Variants in AOPEP observed in about 807,000 individuals in gnomAD.
The protein encoded by AOPEP is aminopeptidase O.
In AOPEP, 77 loss-of-function variants were observed where a neutral mutation model predicts 98.1. The observed-to-expected ratio is 0.78, with a 90% CI of 0.65 to 0.95. The LOEUF (loss-of-function observed/expected upper bound fraction) is 0.95, where lower values mean the gene tolerates loss of function less well. Ranked by LOEUF, AOPEP falls within the 40% of genes least tolerant of loss-of-function variation. The pLI is 0.00. For synonymous variants in AOPEP, 346 were observed against 365.3 expected (o/e 0.95, Z 0.60); for missense variants, 1,024 against 1,024.7 (o/e 1.00, Z 0.01).
chr9:95,051,362 A>T (rs2066349425), intron 13 of AOPEP, among the ~76,000 whole-genome samples: 1 of 151,758 alleles, frequency 6.6e-6, no homozygotes, highest in African/African-American at 2.4e-5. Flanking sequence ...TGTTGGGATT[A>T]CAGGAGTGAG....
chr9:94,761,500 G>C (rs578053013), intron 2 of AOPEP, among the ~76,000 whole-genome samples: 1 of 152,096 alleles, frequency 6.6e-6, no homozygotes, highest in Admixed American at 6.5e-5. Flanking sequence ...AGCTGGGTTT[G>C]GGAGCCTTCT....
intron 13 of AOPEP, among the ~76,000 whole-genome samples, chr9:95,017,469 T>C (rs2063104045): frequency 6.6e-6 from 1 of 152,206 alleles, no homozygotes; most frequent in Non-Finnish European, 1.5e-5. Context: ...AATACAGTAT[T>C]ATATTCTTAT....
At chr9:95,068,338 C>T (rs534015993) in intron 14 of AOPEP, among the ~76,000 whole-genome samples, 9 of 152,172 alleles carry the variant, frequency 5.9e-5, no homozygotes, top group Non-Finnish European at 1.2e-4. Context: ...TGTTGTCCGT[C>T]TTTTTTATTT....
chr9:95,130,188 GATT>G, the AOPEP span, among the ~76,000 whole-genome samples: 1 of 152,030 alleles, frequency 6.6e-6, no homozygotes, highest in Non-Finnish European at 1.5e-5. Context: ...ACTCACCAAT[GATT>G]ATTACAAGCC....
At chr9:95,113,393 T>G in the AOPEP span, among the ~76,000 whole-genome samples, 1 of 152,198 alleles carries the variant, frequency 6.6e-6, no homozygotes, top group Non-Finnish European at 1.5e-5. Flanking sequence ...AATTATACTC[T>G]GAAAGAGGAA....
intron 2 of AOPEP, among the ~76,000 whole-genome samples, chr9:94,770,082 A>G (rs438742): frequency 0.052 from 7,908 of 152,276 alleles, 228 homozygotes; most frequent in Admixed American, 0.077. Context: ...AGACATTTGA[A>G]CCCATTCATG....
At chr9:94,954,720 A>G (rs1032837810) in intron 7 of AOPEP, among the ~76,000 whole-genome samples, 15 of 152,350 alleles carry the variant, frequency 9.8e-5, no homozygotes, top group African/African-American at 2.9e-4. Context: ...ATATGGGTGG[A>G]AAGTACAAAT....
In AOPEP at chr9:94,899,439, G is replaced by A. The variant is rs115531091; in HGVS notation, c.1365-24547G>A. Among the ~76,000 whole-genome samples, 566 of 149,020 alleles carry A rather than the reference G, an allele frequency of 3.8e-3. 3 individuals are homozygous for A. Among genetic ancestry groups the A allele is most frequent in the African/African-American group, 0.014 (548 of 40,358 alleles). ...TTGACTTTTTTTTAACCGTGCAACTGTTAGCTTATTAATAATTAAAATTAT... is the reference window on the plus strand; with the variant it reads ...TTGACTTTTTTTTAACCGTGCAACTATTAGCTTATTAATAATTAAAATTAT... On this transcript the variant is annotated intron_variant, in intron 5 of 16. Coordinates refer to ENST00000375315, the MANE Select transcript of AOPEP (RefSeq NM_001193329.3).
chr9:95,055,616 G>C (rs1390255072), intron 13 of AOPEP, among the ~76,000 whole-genome samples: 1 of 152,222 alleles, frequency 6.6e-6, no homozygotes, highest in Non-Finnish European at 1.5e-5. Context: ...GTGGACTGAA[G>C]GGGCAACCTG....
intron 16 of AOPEP, chr9:95,086,042 T>TA (rs1462524363): frequency 8.0e-6 from 11 of 1,367,576 alleles, no homozygotes; most frequent in Admixed American, 3.8e-5. Flanking sequence ...ACTGAGCTGA[T>TA]ATCAGTTCTC....
At chr9:94,887,516 G>T (rs1038580600) in intron 5 of AOPEP, among the ~76,000 whole-genome samples, 3 of 152,124 alleles carry the variant, frequency 2.0e-5, no homozygotes. Flanking sequence ...ATGCCTGTAA[G>T]ATGGGGCTTC....
intron 1 of AOPEP, among the ~76,000 whole-genome samples, chr9:94,757,671 T>C (rs1413746781): frequency 6.6e-6 from 1 of 152,222 alleles, no homozygotes; most frequent in Non-Finnish European, 1.5e-5. Flanking sequence ...ACTAAACTTT[T>C]TCTCTGAATA....
chr9:94,904,720 G>A (rs746901134), intron 5 of AOPEP: 1 of 152,202 alleles, frequency 6.6e-6, no homozygotes, highest in East Asian at 1.9e-4. Context: ...CAAATTATTA[G>A]CAATAGGTAT....
rs552157938 is a variant in AOPEP at position 94,733,107 on chromosome 9, T to C, written c.-136+6356T>C. Among the ~76,000 whole-genome samples the C allele has an allele frequency of 1.9e-4, 28 of 145,506 alleles. 1 individual carries two copies. The South Asian group carries it at 3.1e-3, about 16-fold the overall frequency. ...CTGTGTTTAATCATTTTCTTTCTCT[T>C]TTTTTTTTTTTTTTTTTGAGACAGT... On this transcript the variant is annotated intron_variant, in intron 1 of 16. Transcript: ENST00000375315.
intron 14 of AOPEP, 74 bp downstream of exon 14, chr9:95,060,884 C>A: frequency 1.1e-6 from 1 of 939,478 alleles, no homozygotes; most frequent in Non-Finnish European, 1.8e-6. Flanking sequence ...CCATTGCAGT[C>A]CCAAACTATT....
At chr9:95,046,695 AAGG>A (rs2065897688) in intron 13 of AOPEP, among the ~76,000 whole-genome samples, 2 of 152,132 alleles carry the variant, frequency 1.3e-5, no homozygotes, top group South Asian at 4.1e-4. Flanking sequence ...ATTTTCTCTG[AAGG>A]AGTTTTCTCC....
chr9:94,796,480 T>G (rs540103055), intron 4 of AOPEP, among the ~76,000 whole-genome samples: 42 of 152,334 alleles, frequency 2.8e-4, no homozygotes, highest in African/African-American at 9.9e-4. Context: ...TGTTTTTGGT[T>G]ATGTTCACAT....
At chr9:94,829,504 T>C (rs1295272163) in intron 5 of AOPEP, among the ~76,000 whole-genome samples, 1 of 152,196 alleles carries the variant, frequency 6.6e-6, no homozygotes, top group African/African-American at 2.4e-5. Context: ...AAGAAACTTT[T>C]CTCCCTTTCT....
the AOPEP span, among the ~76,000 whole-genome samples, chr9:95,093,185 A>G: frequency 2.6e-5 from 4 of 152,222 alleles, no homozygotes; most frequent in African/African-American, 9.7e-5. Flanking sequence ...ACTTGGTTTT[A>G]GCACAGCTGA....
Sources: gnomAD v4.1 joint callset for allele counts (sites outside exome capture counted in the v4.1 genomes callset) on GRCh38, gnomAD v4.1.1 for gene constraint, MANE v1.5 for transcripts, NCBI Gene and HGNC (gene_info 2026-07-23, HGNC 2026-07-21) for gene names.